The following GPC5 variants were observed in gnomAD, a reference collection of about 807,000 sequenced individuals.
GPC5 encodes the protein glypican 5.
In GPC5, 47 loss-of-function variants were observed where a neutral mutation model predicts 53.9. The observed-to-expected ratio is 0.87, with a 90% CI of 0.69 to 1.11. The LOEUF (loss-of-function observed/expected upper bound fraction) is 1.11, where lower values mean the gene tolerates loss of function less well. GPC5 is among the 50% of genes most tolerant of loss of function. The probability of loss-of-function intolerance (pLI) is 0.00; values close to 1 mark genes in which losing one functional copy is unlikely to be tolerated. For missense variants in GPC5, 748 were observed against 713.1 expected (o/e 1.05, Z -0.56); for synonymous variants, 286 against 263.3 (o/e 1.09, Z -0.84).
intron 2 of GPC5, among the ~76,000 whole-genome samples, chr13:91,582,840 G>A (rs939299061): frequency 4.6e-5 from 7 of 152,040 alleles, no homozygotes; most frequent in Admixed American, 1.3e-4. Flanking sequence ...AGGTGATACC[G>A]TGTCTCTACT....
Position 92,562,642 on chromosome 13 carries a change from T to G in GPC5, c.1562-303640T>G, listed in dbSNP as rs144933091. On this transcript the variant is annotated intron_variant, in intron 7 of 7. Transcript: ENST00000377067. ...CTTTTGCTTCATTATTTCTTCAATATGCTGCGAAATCATCTTTGCTTCATC... is the reference window on the plus strand; with the variant it reads ...CTTTTGCTTCATTATTTCTTCAATAGGCTGCGAAATCATCTTTGCTTCATC... 4.6e-5 allele frequency among the ~76,000 whole-genome samples: 7 copies of G among 152,158 alleles called. No homozygotes were observed. In the East Asian group the frequency reaches 1.4e-3, roughly 30 times the overall value.
At chr13:92,307,952 G>C (rs996548519) in intron 7 of GPC5, among the ~76,000 whole-genome samples, 1 of 152,086 alleles carries the variant, frequency 6.6e-6, no homozygotes, top group African/African-American at 2.4e-5. Context: ...TATGGGTGGG[G>C]CTACATTTTT....
chr13:92,749,508 GA>G (rs1329577422), intron 7 of GPC5, among the ~76,000 whole-genome samples: 1 of 152,000 alleles, frequency 6.6e-6, no homozygotes, highest in East Asian at 1.9e-4. Context: ...TATTCTGTTT[GA>G]TTTTTTGATG....
intron 1 of GPC5, among the ~76,000 whole-genome samples, chr13:91,442,902 T>A (rs1880536694): frequency 6.6e-6 from 1 of 152,220 alleles, no homozygotes; most frequent in Admixed American, 6.5e-5. Context: ...TTCTCCCATC[T>A]GCTGTTTGAT....
intron 6 of GPC5, among the ~76,000 whole-genome samples, chr13:91,961,227 A>C (rs1298232807): frequency 6.6e-6 from 1 of 151,980 alleles, no homozygotes; most frequent in African/African-American, 2.4e-5. Context: ...GGAAACTCTA[A>C]ATACTCTGAC....
At chr13:92,106,375 G>A (rs1158337734) in intron 6 of GPC5, among the ~76,000 whole-genome samples, 1 of 151,994 alleles carries the variant, frequency 6.6e-6, no homozygotes, top group African/African-American at 2.4e-5. Flanking sequence ...TCTCATTTGA[G>A]CTACATGTAT....
intron 6 of GPC5, among the ~76,000 whole-genome samples, chr13:92,039,121 T>G (rs2040921657): frequency 6.6e-6 from 1 of 151,884 alleles, no homozygotes; most frequent in South Asian, 2.1e-4. Flanking sequence ...CTGCAGTGGG[T>G]TTGGGAGAGA....
At chr13:92,511,663 G>T (rs1243453952) in intron 7 of GPC5, among the ~76,000 whole-genome samples, 1 of 152,124 alleles carries the variant, frequency 6.6e-6, no homozygotes, top group Non-Finnish European at 1.5e-5. Context: ...TTCTTTGTAG[G>T]TTTTTCCCTT....
chr13:92,452,810 C>T (rs190018467), intron 7 of GPC5, among the ~76,000 whole-genome samples: 418 of 152,290 alleles, frequency 2.7e-3, no homozygotes, highest in Non-Finnish European at 2.9e-3. Context: ...CTCAGGCAAT[C>T]CACCTGCCTC....
intron 7 of GPC5, among the ~76,000 whole-genome samples, chr13:92,527,217 G>GA (rs1301400785): frequency 2.9e-5 from 1 of 33,920 alleles, no homozygotes; most frequent in East Asian, 1.9e-3. Flanking sequence ...AAGAAAGAAA[G>GA]AAAGAAAGAA....
chr13:92,723,842 C>A (rs1303080276), intron 7 of GPC5, among the ~76,000 whole-genome samples: 1 of 151,550 alleles, frequency 6.6e-6, no homozygotes, highest in Non-Finnish European at 1.5e-5. Context: ...AAATATAATT[C>A]TATCATATGC....
At chr13:92,611,495 T>C (rs1350069714) in intron 7 of GPC5, among the ~76,000 whole-genome samples, 2 of 152,320 alleles carry the variant, frequency 1.3e-5, no homozygotes, top group East Asian at 3.9e-4. Context: ...CATAATGTAT[T>C]CAAAGTATTT....
At chr13:91,538,187 A>G (rs1041170412) in intron 2 of GPC5, among the ~76,000 whole-genome samples, 23 of 152,210 alleles carry the variant, frequency 1.5e-4, no homozygotes, top group African/African-American at 4.6e-4. Flanking sequence ...ACTTCATTCT[A>G]TCTAACCAGC....
chr13:92,799,670 T>C (rs1594515690), intron 7 of GPC5, among the ~76,000 whole-genome samples: 1 of 151,818 alleles, frequency 6.6e-6, no homozygotes, highest in African/African-American at 2.4e-5. Flanking sequence ...TTGTGATTCT[T>C]TAGTCCTTTA....
chr13:91,734,515 T>C (rs2036772604), intron 4 of GPC5, among the ~76,000 whole-genome samples: 1 of 151,428 alleles, frequency 6.6e-6, no homozygotes. Context: ...TCTGGGTCTT[T>C]GGGATAAAAG....
chr13:91,839,655 C>A (rs541198978), intron 5 of GPC5, among the ~76,000 whole-genome samples: 1 of 152,158 alleles, frequency 6.6e-6, no homozygotes, highest in South Asian at 2.1e-4. Context: ...TTTGGGAGGA[C>A]AATCCAGTTT....
At position 92,866,580 on chromosome 13, in the gene GPC5, C is replaced by A. The variant is rs868534499; in HGVS notation, c.*141C>A. On this transcript the variant is annotated 3_prime_UTR_variant, in exon 8 of 8. Transcript: ENST00000377067. ...TTACACTAACTTCTCAGAAGCCAAGCTGAAATATTCATAAAGTCCCTAAAA... is the reference window on the plus strand; with the variant it reads ...TTACACTAACTTCTCAGAAGCCAAGATGAAATATTCATAAAGTCCCTAAAA... The A allele has an allele frequency of 1.6e-6, 1 of 630,788 alleles. No homozygotes were observed. Among genetic ancestry groups the A allele is most frequent in the Non-Finnish European group, 2.5e-6 (1 of 403,154 alleles). The allele number at this position is 630,788 out of a possible 1,614,324, so 39.1% of individuals were successfully genotyped here. A position where few individuals can be genotyped will look rare whatever the true frequency, so the allele number is the denominator to read the frequency against.
chr13:92,619,843 C>T (rs1884814374), intron 7 of GPC5, among the ~76,000 whole-genome samples: 1 of 151,960 alleles, frequency 6.6e-6, no homozygotes, highest in Admixed American at 6.6e-5. Flanking sequence ...AAATAATATA[C>T]TAACTGAAAC....
intron 6 of GPC5, among the ~76,000 whole-genome samples, chr13:92,090,381 A>G (rs963950701): frequency 3.9e-5 from 6 of 152,140 alleles, no homozygotes; most frequent in African/African-American, 1.4e-4. Context: ...GGATTAGATC[A>G]TGATGGTAGA....
Sources: gnomAD v4.1 joint callset for allele counts (sites outside exome capture counted in the v4.1 genomes callset) on GRCh38, gnomAD v4.1.1 for gene constraint, MANE v1.5 for transcripts, NCBI Gene and HGNC (gene_info 2026-07-23, HGNC 2026-07-21) for gene names.